PTPRK: variants seen among roughly 807,000 people sequenced by gnomAD.
PTPRK encodes the protein protein tyrosine phosphatase receptor type K.
PTPRK carries 75 observed loss-of-function variants against 178.0 expected under a neutral mutation model. The observed-to-expected ratio is 0.42, with a 90% confidence interval of 0.35 to 0.51. The LOEUF is 0.51. PTPRK is among the 20% of genes least tolerant of loss of function. The pLI is 0.02. For synonymous variants in PTPRK, 637 were observed against 620.6 expected, an observed-to-expected ratio of 1.03 and a Z score of -0.39; for missense variants, 1,441 against 1,797.8, an observed-to-expected ratio of 0.80 and a Z score of 3.59.
intron 3 of PTPRK, among the ~76,000 whole-genome samples, chr6:128,294,680 C>T (rs574023462): frequency 4.1e-4 from 62 of 152,114 alleles, no homozygotes; most frequent in Middle Eastern, 3.4e-3. Flanking sequence ...AATATATCTG[C>T]AGTAAAAAAC....
chr6:128,424,773 G>A (rs1213801856), intron 1 of PTPRK, among the ~76,000 whole-genome samples: 1 of 152,006 alleles, frequency 6.6e-6, no homozygotes, highest in Admixed American at 6.5e-5. Context: ...CAGTAAATCT[G>A]ACTTCATGCA....
At chr6:128,001,152 T>A (rs923305646) in intron 15 of PTPRK, 63 of 1,418,786 alleles carry the variant, frequency 4.4e-5, no homozygotes, top group Middle Eastern at 3.6e-4. Context: ...TTGAAATATA[T>A]CCTTGATTGA....
At chr6:128,101,876 G>T (rs1788847383) in intron 7 of PTPRK, among the ~76,000 whole-genome samples, 1 of 152,040 alleles carries the variant, frequency 6.6e-6, no homozygotes, top group Non-Finnish European at 1.5e-5. Flanking sequence ...TCTCCCTATT[G>T]AAACACTTCA....
chr6:128,192,047 T>C (rs1803894671), intron 6 of PTPRK, among the ~76,000 whole-genome samples: 3 of 152,318 alleles, frequency 2.0e-5, no homozygotes, highest in Middle Eastern at 3.4e-3. Context: ...ATAATTTATG[T>C]ATCAAGAAAT....
chr6:128,249,934 C>A (rs1042958980), intron 3 of PTPRK, among the ~76,000 whole-genome samples: 8 of 152,176 alleles, frequency 5.3e-5, no homozygotes, highest in African/African-American at 1.4e-4. Context: ...CCTGTAATTC[C>A]CACATGTTGT....
chr6:128,095,441 G>C (rs1412225147), intron 7 of PTPRK, among the ~76,000 whole-genome samples: 4 of 152,022 alleles, frequency 2.6e-5, no homozygotes, highest in Non-Finnish European at 5.9e-5. Context: ...TTTTGCTTTA[G>C]GCTTTTAGCA....
Position 128,064,269 on chromosome 6 carries a change from C to T in PTPRK, c.2194+489G>A, listed in dbSNP as rs769345705. 8.7e-4 allele frequency among the ~76,000 whole-genome samples: 132 copies of T among 152,252 alleles called. 3 individuals carry two copies. Among genetic ancestry groups the T allele is most frequent in the Non-Finnish European group, 2.9e-4 (20 of 68,006 alleles). On this transcript the variant is annotated intron_variant, in intron 13 of 29. Coordinates refer to ENST00000368226, the MANE Select transcript of PTPRK (RefSeq NM_002844.4). ...GAGCTAGCCATCACAGATCTGGTTT[C>T]TCAGAATAAGTTTTAAAAAAAGTAA...
intron 1 of PTPRK, among the ~76,000 whole-genome samples, chr6:128,478,246 C>CT (rs201072271): frequency 9.1e-4 from 139 of 152,248 alleles, no homozygotes; most frequent in African/African-American, 3.2e-3. Context: ...CTTCCTAACT[C>CT]TTGTTTTCTG....
intron 13 of PTPRK, among the ~76,000 whole-genome samples, chr6:128,051,543 C>T (rs78516930): frequency 0.036 from 5,547 of 152,198 alleles, 338 homozygotes; most frequent in African/African-American, 0.12. Context: ...TATTAACTAT[C>T]GTTTATAAGC....
At chr6:128,209,087 C>G (rs754413882) in intron 6 of PTPRK, among the ~76,000 whole-genome samples, 19 of 152,066 alleles carry the variant, frequency 1.2e-4, no homozygotes, top group African/African-American at 2.4e-4. Context: ...ACCACCCCCC[C>G]CAGGAACACT....
At chr6:128,335,137 G>A (rs1186886991) in intron 2 of PTPRK, among the ~76,000 whole-genome samples, 1 of 152,040 alleles carries the variant, frequency 6.6e-6, no homozygotes, top group Non-Finnish European at 1.5e-5. Flanking sequence ...TTCAGGCTCT[G>A]AAGTCAGAGG....
chr6:128,074,783 T>C (rs1449659614), intron 11 of PTPRK, among the ~76,000 whole-genome samples: 1 of 152,016 alleles, frequency 6.6e-6, no homozygotes, highest in Non-Finnish European at 1.5e-5. Context: ...ATGTGGTTGG[T>C]GAAACTTAGT....
At chr6:128,254,803 C>T (rs757874829) in intron 3 of PTPRK, among the ~76,000 whole-genome samples, 2 of 151,884 alleles carry the variant, frequency 1.3e-5, no homozygotes, top group Non-Finnish European at 2.9e-5. Context: ...TACCTATGAC[C>T]TCTCTGGGTG....
intron 2 of PTPRK, among the ~76,000 whole-genome samples, chr6:128,332,853 C>T (rs1375836025): frequency 6.6e-6 from 1 of 152,104 alleles, no homozygotes; most frequent in Admixed American, 6.6e-5. Context: ...TGCCTCAACG[C>T]CCACTCCAAG....
rs1448776218 is a variant in PTPRK at position 128,071,770 on chromosome 6, A to T, written c.1884-3978T>A. The stretch of plus-strand genomic sequence containing the variant: ...GAAGTATTTACATTTAGTGAAAAAC[A>T]GCTATAAAAATAACAAAAAGTCACA... On this transcript the variant is annotated intron_variant, in intron 11 of 29. Transcript: ENST00000368226. Among the ~76,000 whole-genome samples, 10 of 152,196 alleles carry T rather than the reference A, an allele frequency of 6.6e-5. No homozygotes were observed. In the East Asian group the frequency reaches 1.9e-3, roughly 29 times the overall value.
At chr6:128,248,223 T>C (rs1815827840) in intron 3 of PTPRK, among the ~76,000 whole-genome samples, 3 of 152,196 alleles carry the variant, frequency 2.0e-5, no homozygotes, top group Non-Finnish European at 4.4e-5. Context: ...AAAGCTCAAA[T>C]ACTGTCTATC....
At chr6:128,319,928 G>C (rs1158421957) in intron 3 of PTPRK, among the ~76,000 whole-genome samples, 1 of 152,138 alleles carries the variant, frequency 6.6e-6, no homozygotes, top group African/African-American at 2.4e-5. Context: ...AAAGTACTCT[G>C]TTGTTTGCTC....
intron 1 of PTPRK, among the ~76,000 whole-genome samples, chr6:128,435,125 G>GC (rs1181679769): frequency 7.5e-5 from 9 of 119,702 alleles, no homozygotes; most frequent in African/African-American, 2.1e-4. Flanking sequence ...AGGCAGGCAG[G>GC]AAGGCAGGCA....
intron 7 of PTPRK, among the ~76,000 whole-genome samples, chr6:128,161,207 C>T (rs147322507): frequency 5.9e-5 from 9 of 151,760 alleles, no homozygotes; most frequent in African/African-American, 1.4e-4. Context: ...AAATAACAAA[C>T]GATAACTGCA....
Sources: gnomAD v4.1 joint callset for allele counts (sites outside exome capture counted in the v4.1 genomes callset) on GRCh38, gnomAD v4.1.1 for gene constraint, MANE v1.5 for transcripts, NCBI Gene and HGNC (gene_info 2026-07-23, HGNC 2026-07-21) for gene names.